Variants in CSRNP3 observed in about 807,000 individuals in gnomAD.
CSRNP3 encodes the protein cysteine and serine rich nuclear protein 3.
A neutral mutation model predicts 48.0 loss-of-function variants in CSRNP3; 12 were observed. That is an observed-to-expected ratio of 0.25 (90% CI 0.16 to 0.41). CSRNP3 has a LOEUF of 0.41. Ranked by LOEUF, CSRNP3 falls within the 10% of genes least tolerant of loss-of-function variation. CSRNP3 has a pLI of 1.00. For missense variants in CSRNP3, 580 were observed against 724.4 expected (o/e 0.80, Z 2.29); for synonymous variants, 263 against 269.7 (o/e 0.98, Z 0.24).
At chr2:165,526,018 A>C (rs1015575284) in intron 3 of CSRNP3, among the ~76,000 whole-genome samples, 1 of 152,168 alleles carries the variant, frequency 6.6e-6, no homozygotes, top group Non-Finnish European at 1.5e-5. Flanking sequence ...CACTAAATTG[A>C]CTTTGCATTT....
chr2:165,514,273 G>C (rs1023878139), intron 2 of CSRNP3, among the ~76,000 whole-genome samples: 1 of 152,206 alleles, frequency 6.6e-6, no homozygotes, highest in Non-Finnish European at 1.5e-5. Context: ...ACTCACAGGT[G>C]GTATGAAAAG....
chr2:165,609,595 C>A (rs1686102038), intron 4 of CSRNP3, among the ~76,000 whole-genome samples: 2 of 149,904 alleles, frequency 1.3e-5, no homozygotes, highest in Non-Finnish European at 3.0e-5. Context: ...TGAATACAGG[C>A]AAAATGCCTT....
At chr2:165,531,891 C>T (rs1684816337) in intron 3 of CSRNP3, among the ~76,000 whole-genome samples, 1 of 152,092 alleles carries the variant, frequency 6.6e-6, no homozygotes, top group African/African-American at 2.4e-5. Context: ...CCACCGATCC[C>T]ACAGAAACAC....
At chr2:165,635,092 C>T (rs1317631728) in intron 4 of CSRNP3, among the ~76,000 whole-genome samples, 1 of 152,194 alleles carries the variant, frequency 6.6e-6, no homozygotes, top group African/African-American at 2.4e-5. Context: ...GAGCTGATTG[C>T]TCTCCCTCTG....
At chr2:165,483,038 G>A (rs954994894) in intron 1 of CSRNP3, among the ~76,000 whole-genome samples, 1 of 135,130 alleles carries the variant, frequency 7.4e-6, no homozygotes, top group Non-Finnish European at 1.6e-5. Context: ...GTGTGTGTGT[G>A]TGTATGTATA....
At chr2:165,551,679 A>G (rs1254710916) in intron 3 of CSRNP3, among the ~76,000 whole-genome samples, 1 of 152,202 alleles carries the variant, frequency 6.6e-6, no homozygotes, top group Non-Finnish European at 1.5e-5. Context: ...ATAACAAGTA[A>G]AAATAAAGTA....
chr2:165,587,597 C>A (rs915849252), intron 3 of CSRNP3, among the ~76,000 whole-genome samples: 9 of 152,148 alleles, frequency 5.9e-5, no homozygotes, highest in African/African-American at 2.2e-4. Context: ...TTGCAGAGCT[C>A]CAGAGAAGGA....
At chr2:165,646,293 T>A (rs901977573) in intron 4 of CSRNP3, among the ~76,000 whole-genome samples, 1 of 152,100 alleles carries the variant, frequency 6.6e-6, no homozygotes, top group Non-Finnish European at 1.5e-5. Context: ...TTCTAAGAGA[T>A]TTTAGAATTT....
At chr2:165,569,783 A>C (rs1277571667) in intron 3 of CSRNP3, among the ~76,000 whole-genome samples, 1 of 151,896 alleles carries the variant, frequency 6.6e-6, no homozygotes, top group African/African-American at 2.4e-5. Flanking sequence ...CAGAGTTTTG[A>C]TTAGAAGGGT....
intron 5 of CSRNP3, among the ~76,000 whole-genome samples, chr2:165,661,043 T>C (rs1687089321): frequency 6.6e-6 from 1 of 152,210 alleles, no homozygotes. Flanking sequence ...CTTGTGTATA[T>C]TTTCATTGTA....
chr2:165,565,177 T>A (rs1685281483), intron 3 of CSRNP3, among the ~76,000 whole-genome samples: 1 of 152,100 alleles, frequency 6.6e-6, no homozygotes, highest in Non-Finnish European at 1.5e-5. Context: ...TCAGCGAAAG[T>A]TATCAGGGGC....
intron 3 of CSRNP3, among the ~76,000 whole-genome samples, chr2:165,547,275 A>AATTCTGT (rs1685043060): frequency 6.6e-6 from 1 of 152,206 alleles, no homozygotes; most frequent in South Asian, 2.1e-4. Flanking sequence ...ATGCTACAAT[A>AATTCTGT]AGCACCTGTG....
chr2:165,674,476 G>A (rs1247573076), intron 5 of CSRNP3, among the ~76,000 whole-genome samples: 2 of 151,666 alleles, frequency 1.3e-5, no homozygotes, highest in East Asian at 3.9e-4. Context: ...CCTACTAGTG[G>A]CTATCACAGT....
intron 3 of CSRNP3, among the ~76,000 whole-genome samples, chr2:165,594,268 C>A (rs1168688905): frequency 6.6e-6 from 1 of 151,890 alleles, no homozygotes; most frequent in Non-Finnish European, 1.5e-5. Flanking sequence ...ATGTTTATAC[C>A]CTAAAATATC....
At chr2:165,573,967 A>G (rs978897232) in intron 3 of CSRNP3, 5 of 170,304 alleles carry the variant, frequency 2.9e-5, no homozygotes, top group African/African-American at 1.2e-4. Context: ...GTCGCTGCTG[A>G]CAGCTTCTCT....
At chr2:165,656,461 G>A (rs1437889488) in intron 4 of CSRNP3, among the ~76,000 whole-genome samples, 2 of 152,060 alleles carry the variant, frequency 1.3e-5, no homozygotes, top group African/African-American at 4.8e-5. Context: ...ATGTTAATTA[G>A]TTTGATTGAG....
intron 5 of CSRNP3, among the ~76,000 whole-genome samples, chr2:165,666,948 G>A (rs1217345465): frequency 2.1e-4 from 16 of 77,226 alleles, no homozygotes; most frequent in African/African-American, 5.1e-4. Context: ...GAAAGAAAGA[G>A]AGAGAGGAAG....
chr2:165,474,786 TAAC>T (rs1336999929), intron 1 of CSRNP3, among the ~76,000 whole-genome samples: 3 of 152,188 alleles, frequency 2.0e-5, no homozygotes, highest in Non-Finnish European at 4.4e-5. Flanking sequence ...CTCTGATGCA[TAAC>T]AACACAGGGA....
At chr2:165,645,107 G>A (rs770515899) in intron 4 of CSRNP3, among the ~76,000 whole-genome samples, 1 of 152,132 alleles carries the variant, frequency 6.6e-6, no homozygotes, top group Non-Finnish European at 1.5e-5. Context: ...GCCCAGGCAG[G>A]TGGATCACTT....
Sources: gnomAD v4.1 joint callset for allele counts (sites outside exome capture counted in the v4.1 genomes callset) on GRCh38, gnomAD v4.1.1 for gene constraint, MANE v1.5 for transcripts, NCBI Gene and HGNC (gene_info 2026-07-23, HGNC 2026-07-21) for gene names.